CACNA1E: variants seen among roughly 807,000 people sequenced by gnomAD.
The protein encoded by CACNA1E is calcium voltage-gated channel subunit alpha1 E.
CACNA1E carries 40 observed loss-of-function variants against 259.2 expected under a neutral mutation model. The observed-to-expected ratio is 0.15, with a 90% CI of 0.12 to 0.20. CACNA1E has a LOEUF of 0.20. CACNA1E is among the 10% of genes least tolerant of loss of function. The pLI, the probability that CACNA1E is intolerant of heterozygous loss-of-function variation, is 1.00. For missense variants in CACNA1E, 1,874 were observed against 3,040.1 expected (o/e 0.62, Z 9.02); for synonymous variants, 1,104 against 1,138.5 (o/e 0.97, Z 0.61).
intron 17 of CACNA1E, among the ~76,000 whole-genome samples, 154 bp downstream of exon 17, chr1:181,724,691 C>A (rs1331276406): frequency 6.6e-6 from 1 of 152,202 alleles, no homozygotes; most frequent in East Asian, 1.9e-4. Flanking sequence ...GCCACACACC[C>A]ATGACGGAAG....
intron 4 of CACNA1E, among the ~76,000 whole-genome samples, chr1:181,578,706 C>T (rs1283920420): frequency 6.6e-6 from 1 of 152,224 alleles, no homozygotes; most frequent in Non-Finnish European, 1.5e-5. Flanking sequence ...CACCTTTTTA[C>T]TTAAATCTTT....
chr1:181,448,390 T>C (rs1167991406), intron 2 of CACNA1E, among the ~76,000 whole-genome samples: 1 of 152,234 alleles, frequency 6.6e-6, no homozygotes, highest in Non-Finnish European at 1.5e-5. Context: ...TAACTAACTT[T>C]CCTGAAGTCC....
chr1:181,374,229 T>G (rs1437142655), intron 1 of CACNA1E, among the ~76,000 whole-genome samples: 2 of 152,212 alleles, frequency 1.3e-5, no homozygotes, highest in Non-Finnish European at 2.9e-5. Context: ...TTCAAATAAT[T>G]TTTTTATTTC....
intron 1 of CACNA1E, among the ~76,000 whole-genome samples, chr1:181,321,463 G>A (rs75571686): frequency 1.5e-3 from 231 of 152,288 alleles, no homozygotes; most frequent in African/African-American, 5.3e-3. Flanking sequence ...GCTTCTCTCA[G>A]GATCATAGTC....
At chr1:181,627,677 C>T (rs2101923162) in intron 6 of CACNA1E, among the ~76,000 whole-genome samples, 1 of 152,326 alleles carries the variant, frequency 6.6e-6, no homozygotes, top group South Asian at 2.1e-4. Context: ...AAGCACCAGG[C>T]TTCTTCCCAG....
At chr1:181,417,105 T>G (rs543217240) in intron 2 of CACNA1E, among the ~76,000 whole-genome samples, 147 of 152,176 alleles carry the variant, frequency 9.7e-4, no homozygotes, top group African/African-American at 3.3e-3. Flanking sequence ...GATCACCCCC[T>G]CTTTTCTCTC....
At chr1:181,360,390 T>G (rs1347058529) in intron 1 of CACNA1E, among the ~76,000 whole-genome samples, 1 of 152,152 alleles carries the variant, frequency 6.6e-6, no homozygotes, top group Non-Finnish European at 1.5e-5. Context: ...ATGTGTCATA[T>G]CCATACAAAG....
intron 3 of CACNA1E, among the ~76,000 whole-genome samples, chr1:181,518,773 A>G (rs1430512564): frequency 2.6e-5 from 4 of 152,178 alleles, no homozygotes; most frequent in Non-Finnish European, 5.9e-5. Flanking sequence ...GATGTAAGAC[A>G]TTGGTGTTGG....
rs1444091369 is a variant in CACNA1E at position 181,732,820 on chromosome 1, G to A, written c.2734G>A (p.Ala912Thr). The A allele has an allele frequency of 1.9e-6, 3 of 1,611,674 alleles. No homozygotes were observed. Among genetic ancestry groups the A allele is most frequent in the Non-Finnish European group, 1.7e-6 (2 of 1,178,616 alleles). Residue 912 changes from alanine to threonine, a missense_variant, in exon 20 of 48, where the codon GCC becomes ACC. Around this residue, in one of 14 missense-constraint regions of CACNA1E, gnomAD observed 476 missense variants for 514.0 expected, o/e 0.93. Transcript: ENST00000367573. The surrounding 1 kb of genome is among the most constrained non-coding windows in gnomAD (Gnocchi z 5.5). ...GEAVVTFEDR[A>T]RHRQSQRRSR... ...GGCTGTGGTGACCTTTGAGGACCGG[G>A]CCAGGCACAGGCAGAGCCAACGGCG...
intron 1 of CACNA1E, among the ~76,000 whole-genome samples, chr1:181,403,709 A>G (rs1657262135): frequency 6.6e-6 from 1 of 152,184 alleles, no homozygotes; most frequent in Non-Finnish European, 1.5e-5. Flanking sequence ...GAACTCCCTC[A>G]ACTAATGTGC....
intron 1 of CACNA1E, among the ~76,000 whole-genome samples, chr1:181,338,981 C>T (rs929835195): frequency 2.6e-5 from 4 of 151,692 alleles, no homozygotes; most frequent in East Asian, 1.9e-4. Context: ...GTCTATGCTT[C>T]GAATTATTTC....
At chr1:181,769,102 G>A (rs1479666155) in intron 35 of CACNA1E, among the ~76,000 whole-genome samples, 1 of 152,158 alleles carries the variant, frequency 6.6e-6, no homozygotes, top group Non-Finnish European at 1.5e-5. Flanking sequence ...CTCCTTCACT[G>A]AACAACTGTG....
At chr1:181,322,620 T>C (rs932056970) in intron 1 of CACNA1E, among the ~76,000 whole-genome samples, 4 of 152,218 alleles carry the variant, frequency 2.6e-5, no homozygotes, top group African/African-American at 7.2e-5. Flanking sequence ...AAGGTTCTAT[T>C]GTCTGCAATA....
At chr1:181,338,607 G>T (rs1320915075) in intron 1 of CACNA1E, among the ~76,000 whole-genome samples, 1 of 151,490 alleles carries the variant, frequency 6.6e-6, no homozygotes, top group Admixed American at 6.6e-5. Flanking sequence ...CAATAAGTAG[G>T]CTGTCTTTTA....
chr1:181,529,124 G>A (rs1375672626), intron 3 of CACNA1E, among the ~76,000 whole-genome samples: 1 of 152,228 alleles, frequency 6.6e-6, no homozygotes, highest in Admixed American at 6.5e-5. Flanking sequence ...ATGCAGTTTA[G>A]GGACTTGGTG....
chr1:181,333,781 A>G (rs1030799250), intron 1 of CACNA1E, among the ~76,000 whole-genome samples: 3 of 151,756 alleles, frequency 2.0e-5, no homozygotes, highest in African/African-American at 7.3e-5. Context: ...TCAGCCTCCT[A>G]AGTAGCTGGG....
Position 181,577,750 on chromosome 1 carries a change from G to A in CACNA1E, c.513-16G>A. The A allele has an allele frequency of 1.9e-6, 3 of 1,563,772 alleles. No homozygotes were observed. Among genetic ancestry groups the A allele is most frequent in the Non-Finnish European group, 1.8e-6 (2 of 1,142,764 alleles). Reference sequence around the variant, plus strand: ...CCAGACTGGTAACCTTGACCCTTCTGTGTCTCTGTCTGCAGCATCCTGGCC... The same window carrying A: ...CCAGACTGGTAACCTTGACCCTTCTATGTCTCTGTCTGCAGCATCCTGGCC... On this transcript the variant is annotated splice_polypyrimidine_tract_variant and intron_variant, in intron 3 of 47. Coordinates refer to ENST00000367573, the MANE Select transcript of CACNA1E (RefSeq NM_001205293.3).
At chr1:181,795,828 C>G (rs1219245809) in intron 46 of CACNA1E, among the ~76,000 whole-genome samples, 1 of 142,790 alleles carries the variant, frequency 7.0e-6, no homozygotes, top group East Asian at 2.0e-4. Context: ...ATAAAGGAAT[C>G]AAAGTTGAAA....
intron 46 of CACNA1E, among the ~76,000 whole-genome samples, chr1:181,795,767 A>ATATATATATATAT (rs1661742288): frequency 8.8e-6 from 1 of 113,276 alleles, no homozygotes; most frequent in Non-Finnish European, 2.0e-5. Context: ...TTTTGCTTTA[A>ATATATATATATAT]ATATATATAT....
Sources: allele counts gnomAD v4.1 joint callset (sites outside exome capture counted in the v4.1 genomes callset), GRCh38; gene constraint gnomAD v4.1.1; regional missense constraint gnomAD v4.1.1; non-coding constraint Gnocchi (gnomAD v3.1); transcripts MANE v1.5; gene names NCBI Gene and HGNC (gene_info 2026-07-23, HGNC 2026-07-21).